The following KLF8 variants were observed in gnomAD, a reference collection of about 807,000 sequenced individuals.
The protein encoded by KLF8 is Krueppel-like factor 8.
In KLF8, 10 loss-of-function variants were observed where a neutral mutation model predicts 18.2. The observed-to-expected ratio is 0.55, with a 90% CI of 0.34 to 0.93. The LOEUF is 0.93. Ranked by LOEUF, KLF8 falls within the 40% of genes least tolerant of loss-of-function variation. The pLI, the probability that KLF8 is intolerant of heterozygous loss-of-function variation, is 0.02. For missense variants in KLF8, 264 were observed against 277.9 expected (o/e 0.95, Z 0.36); for synonymous variants, 109 against 97.3 (o/e 1.12, Z -0.71).
the KLF8 span, among the ~76,000 whole-genome samples, chrX:56,099,982 T>G: frequency 8.9e-6 from 1 of 112,104 alleles, no homozygotes; most frequent in African/African-American, 3.2e-5. Context: ...ATTGTCAATG[T>G]AGACAAAAGG....
chrX:55,969,561 C>T, the KLF8 span, among the ~76,000 whole-genome samples: 5 of 110,771 alleles, frequency 4.5e-5, no homozygotes, highest in East Asian at 1.1e-3. Context: ...CAAGAGCAAA[C>T]CGAACCCAAA....
chrX:56,132,522 C>A, the KLF8 span, among the ~76,000 whole-genome samples: 3 of 110,692 alleles, frequency 2.7e-5, no homozygotes, highest in Non-Finnish European at 5.7e-5. Flanking sequence ...TAAATCCCTA[C>A]ATAAAAAAAT....
chrX:56,179,433 G>A, the KLF8 span, among the ~76,000 whole-genome samples: 1 of 112,264 alleles, frequency 8.9e-6, no homozygotes, highest in African/African-American at 3.2e-5. Flanking sequence ...CATGTCATCT[G>A]CAAACAGGGA....
the KLF8 span, among the ~76,000 whole-genome samples, chrX:56,153,255 G>C: frequency 9.1e-6 from 1 of 110,400 alleles, no homozygotes; most frequent in Non-Finnish European, 1.9e-5. Flanking sequence ...CAGCTACTTG[G>C]GAGGCTAAGT....
At chrX:56,255,864 T>G (rs1170206880) in intron 2 of KLF8, among the ~76,000 whole-genome samples, 1 of 111,637 alleles carries the variant, frequency 9.0e-6, no homozygotes, top group Admixed American at 9.5e-5. Context: ...TGAAGTGTCT[T>G]TGTCTGGTTT....
chrX:55,938,398 C>T, the KLF8 span, among the ~76,000 whole-genome samples: 75 of 111,680 alleles, frequency 6.7e-4, no homozygotes, highest in Admixed American at 6.0e-3. Context: ...AAGGAAAAAC[C>T]AGTACCAGCC....
the KLF8 span, among the ~76,000 whole-genome samples, chrX:56,076,095 G>T: frequency 9.1e-6 from 1 of 110,126 alleles, no homozygotes; most frequent in African/African-American, 3.3e-5. Context: ...TATTGAGAGT[G>T]ATGATTTCCA....
the KLF8 span, among the ~76,000 whole-genome samples, chrX:56,057,429 G>A: frequency 6.3e-5 from 7 of 111,489 alleles, no homozygotes; most frequent in Non-Finnish European, 1.1e-4. Flanking sequence ...AAGCAAACAT[G>A]CCCACGTACA....
the KLF8 span, among the ~76,000 whole-genome samples, chrX:56,190,804 G>T: frequency 9.0e-6 from 1 of 111,170 alleles, no homozygotes; most frequent in Non-Finnish European, 1.9e-5. Flanking sequence ...AAACCTATGG[G>T]ATACAGCAAA....
the KLF8 span, among the ~76,000 whole-genome samples, chrX:56,077,517 C>T: frequency 8.9e-6 from 1 of 111,839 alleles, no homozygotes; most frequent in African/African-American, 3.3e-5. Context: ...GTTTTGGTAC[C>T]AGTACCATGC....
chrX:56,137,450 T>G, the KLF8 span, among the ~76,000 whole-genome samples: 18 of 106,078 alleles, frequency 1.7e-4, no homozygotes, highest in Non-Finnish European at 2.3e-4. Flanking sequence ...TTCATGTCCT[T>G]TGTAGGGACA....
At chrX:55,946,724 C>T in the KLF8 span, among the ~76,000 whole-genome samples, 13 of 111,144 alleles carry the variant, frequency 1.2e-4, no homozygotes, top group South Asian at 7.5e-4. Flanking sequence ...AGAAAATTTT[C>T]GCAACCTACT....
the KLF8 span, among the ~76,000 whole-genome samples, chrX:56,179,273 C>A: frequency 1.8e-5 from 2 of 111,826 alleles, no homozygotes; most frequent in East Asian, 5.6e-4. Flanking sequence ...GGAGTTCACT[C>A]ATGATTTAGC....
chrX:56,212,938 G>A, the KLF8 span, among the ~76,000 whole-genome samples: 1 of 112,021 alleles, frequency 8.9e-6, no homozygotes, highest in African/African-American at 3.3e-5. Flanking sequence ...AGCCTAGGCA[G>A]CCTGGAGGTG....
chrX:56,200,524 A>C, the KLF8 span, among the ~76,000 whole-genome samples: 2 of 110,860 alleles, frequency 1.8e-5, no homozygotes, highest in Admixed American at 9.7e-5. Context: ...TCCTAGAAGG[A>C]AACAATAGAG....
At chrX:56,270,403 G>C in intron 5 of KLF8, 82 bp downstream of exon 5, 1 of 953,298 alleles carries the variant, frequency 1.0e-6, no homozygotes, top group Non-Finnish European at 1.4e-6. Context: ...AGAGAGAGGG[G>C]CAGAGAGAGA....
chrX:56,275,537 T>C (rs1452703326), intron 5 of KLF8, among the ~76,000 whole-genome samples: 2 of 111,738 alleles, frequency 1.8e-5, no homozygotes, highest in Non-Finnish European at 3.8e-5. Context: ...CTGTACCATG[T>C]TGAATAAAGG....
At chrX:56,135,564 G>A in the KLF8 span, among the ~76,000 whole-genome samples, 8 of 110,647 alleles carry the variant, frequency 7.2e-5, no homozygotes, top group African/African-American at 1.6e-4. Context: ...GGTGGGGGAC[G>A]GGAGAGGGAT....
chrX:55,987,359 C>A, the KLF8 span, among the ~76,000 whole-genome samples: 712 of 110,126 alleles, frequency 6.5e-3, 2 homozygotes, highest in Non-Finnish European at 0.011. Flanking sequence ...CCTCCCCCAA[C>A]CCCACAACAG....
Sources: gnomAD v4.1 joint callset for allele counts (sites outside exome capture counted in the v4.1 genomes callset) on GRCh38, gnomAD v4.1.1 for gene constraint, MANE v1.5 for transcripts, NCBI Gene and HGNC (gene_info 2026-07-23, HGNC 2026-07-21) for gene names.